The following CNTNAP5 variants were observed in gnomAD, a reference collection of about 807,000 sequenced individuals.
CNTNAP5 encodes contactin associated protein family member 5, also known as contactin-associated protein-like 5.
CNTNAP5 carries 72 observed loss-of-function variants against 150.2 expected under a neutral mutation model. The ratio of observed to expected loss-of-function variants is 0.48; its 90% CI spans 0.40 to 0.58. The LOEUF is 0.58. Among genes scored for constraint, CNTNAP5 ranks in the 20% least tolerant of loss-of-function variants. CNTNAP5 has a pLI of 0.00. For missense variants in CNTNAP5, 1,636 were observed against 1,626.2 expected (o/e 1.01, Z -0.10); for synonymous variants, 672 against 619.8 (o/e 1.08, Z -1.25).
chr2:124,535,591 G>C (rs1015305817), intron 10 of CNTNAP5, among the ~76,000 whole-genome samples: 4 of 135,076 alleles, frequency 3.0e-5, no homozygotes, highest in African/African-American at 1.1e-4. Context: ...GTGAAACCCC[G>C]TCTCTACTGA....
chr2:124,556,361 C>A lies in CNTNAP5; in HGVS notation c.1650-6856C>A, dbSNP rs369922810. On this transcript the variant is annotated intron_variant, in intron 10 of 23. Coordinates refer to ENST00000682447, the MANE Select transcript of CNTNAP5 (RefSeq NM_001367498.1). ...GTCAAAGTTTTTTCAAGCTTCTTGG[C>A]CAGGGAAAAGCCTTAAAGAAGCCAA... 9.6e-4 allele frequency among the ~76,000 whole-genome samples: 146 copies of A among 151,780 alleles called. 1 individual carries two copies. The highest frequency in any genetic ancestry group is 3.2e-3 in the African/African-American group (133 of 41,376).
intron 22 of CNTNAP5, among the ~76,000 whole-genome samples, chr2:124,907,829 A>G (rs1397219348): frequency 1.3e-5 from 2 of 150,464 alleles, no homozygotes; most frequent in South Asian, 2.1e-4. Context: ...TAACTTTTGT[A>G]GTCATGTTAC....
chr2:124,640,269 T>C (rs58187826), intron 12 of CNTNAP5, among the ~76,000 whole-genome samples: 1 of 151,906 alleles, frequency 6.6e-6, no homozygotes, highest in Non-Finnish European at 1.5e-5. Flanking sequence ...AAGAGAAAAA[T>C]TACCCCCCTG....
chr2:124,535,957 G>A (rs1334727885), intron 10 of CNTNAP5, among the ~76,000 whole-genome samples: 1 of 152,146 alleles, frequency 6.6e-6, no homozygotes, highest in East Asian at 1.9e-4. Flanking sequence ...CCCTGTGTGT[G>A]GGAGCTTGTT....
chr2:124,771,096 T>G (rs970509114), intron 16 of CNTNAP5, among the ~76,000 whole-genome samples: 2 of 152,164 alleles, frequency 1.3e-5, no homozygotes, highest in Non-Finnish European at 2.9e-5. Flanking sequence ...CGGACTTTGA[T>G]GGAGGCTGCT....
intron 13 of CNTNAP5, among the ~76,000 whole-genome samples, chr2:124,713,178 TCC>T (rs552855499): frequency 0.026 from 2,711 of 105,106 alleles, 414 homozygotes; most frequent in East Asian, 0.045. Flanking sequence ...CTCTCTCTTT[TCC>T]TCCTTCCTTC....
At chr2:124,374,978 T>G (rs1690610844) in intron 3 of CNTNAP5, among the ~76,000 whole-genome samples, 1 of 152,034 alleles carries the variant, frequency 6.6e-6, no homozygotes, top group Non-Finnish European at 1.5e-5. Flanking sequence ...AACTCATAAA[T>G]TACACTAAAA....
chr2:124,268,317 T>C (rs1234349854), intron 3 of CNTNAP5, among the ~76,000 whole-genome samples: 2 of 152,206 alleles, frequency 1.3e-5, no homozygotes, highest in East Asian at 1.9e-4. Flanking sequence ...TGTAAATTGA[T>C]GTACTGACCA....
intron 13 of CNTNAP5, among the ~76,000 whole-genome samples, chr2:124,686,529 C>T (rs1379053795): frequency 6.6e-6 from 1 of 152,088 alleles, no homozygotes; most frequent in Non-Finnish European, 1.5e-5. Context: ...GATCCAGCTT[C>T]CCCTTTGTTC....
chr2:124,256,173 G>T (rs1286579910), intron 3 of CNTNAP5, among the ~76,000 whole-genome samples: 1 of 151,996 alleles, frequency 6.6e-6, no homozygotes, highest in Admixed American at 6.6e-5. Flanking sequence ...TGAGCCACTT[G>T]TCAATATAAA....
chr2:124,559,224 T>G (rs911601435), intron 10 of CNTNAP5, among the ~76,000 whole-genome samples: 3 of 152,216 alleles, frequency 2.0e-5, no homozygotes, highest in African/African-American at 7.2e-5. Context: ...GAAGAATTTT[T>G]TATTTGGATA....
At chr2:124,677,915 G>T (rs1678981686) in intron 13 of CNTNAP5, among the ~76,000 whole-genome samples, 2 of 151,898 alleles carry the variant, frequency 1.3e-5, no homozygotes, top group Non-Finnish European at 2.9e-5. Flanking sequence ...GTTTATTAAG[G>T]GAATAAAAGT....
intron 19 of CNTNAP5, among the ~76,000 whole-genome samples, chr2:124,860,562 C>G (rs989219190): frequency 2.1e-5 from 3 of 145,174 alleles, no homozygotes; most frequent in African/African-American, 8.0e-5. Context: ...CTTTCTTTCT[C>G]CCTTTCTTCC....
intron 16 of CNTNAP5, 27 bp downstream of exon 16, chr2:124,764,174 T>C: frequency 1.3e-6 from 2 of 1,584,608 alleles, no homozygotes; most frequent in South Asian, 1.1e-5. Context: ...ATGAATTTAA[T>C]GTAACTGATC....
intron 1 of CNTNAP5, among the ~76,000 whole-genome samples, chr2:124,057,909 C>T (rs531946275): frequency 1.3e-5 from 2 of 152,010 alleles, no homozygotes; most frequent in Admixed American, 1.3e-4. Flanking sequence ...TCATTATGCA[C>T]TATATGCTTG....
chr2:124,862,560 G>T (rs1345488090), intron 19 of CNTNAP5, among the ~76,000 whole-genome samples: 2 of 152,192 alleles, frequency 1.3e-5, no homozygotes, highest in Admixed American at 1.3e-4. Context: ...CTGGGCCCAG[G>T]ATTCTCCAGA....
chr2:124,902,167 A>T (rs968548452), intron 21 of CNTNAP5, among the ~76,000 whole-genome samples: 4 of 152,310 alleles, frequency 2.6e-5, no homozygotes, highest in African/African-American at 7.2e-5. Flanking sequence ...GAGTAATCTT[A>T]CCACCAATCT....
chr2:124,280,750 A>T (rs971417185), intron 3 of CNTNAP5, among the ~76,000 whole-genome samples: 21 of 151,852 alleles, frequency 1.4e-4, no homozygotes, highest in African/African-American at 4.8e-4. Context: ...ATCTTGTTAC[A>T]TGACCCCAGT....
intron 3 of CNTNAP5, among the ~76,000 whole-genome samples, chr2:124,299,424 T>C (rs1688519941): frequency 6.6e-6 from 1 of 152,166 alleles, no homozygotes; most frequent in Non-Finnish European, 1.5e-5. Flanking sequence ...CTCTTATAAG[T>C]GAGAATATGC....
Sources: gnomAD v4.1 joint callset for allele counts (sites outside exome capture counted in the v4.1 genomes callset) on GRCh38, gnomAD v4.1.1 for gene constraint, MANE v1.5 for transcripts, NCBI Gene and HGNC (gene_info 2026-07-23, HGNC 2026-07-21) for gene names.